The following WWOX variants were observed in gnomAD, a reference collection of about 807,000 sequenced individuals.
The protein encoded by WWOX is WW domain containing oxidoreductase.
WWOX carries 69 observed loss-of-function variants against 46.2 expected under a neutral mutation model. The ratio of observed to expected loss-of-function variants is 1.49; its 90% CI spans 1.23 to 1.82. The LOEUF (loss-of-function observed/expected upper bound fraction) is 1.82, where lower values mean the gene tolerates loss of function less well. Ranked by LOEUF, WWOX falls within the 40% of genes most tolerant of loss-of-function variation. The pLI is 0.00. For synonymous variants in WWOX, 359 were observed against 202.6 expected, an observed-to-expected ratio of 1.77 and a Z score of -6.56; for missense variants, 919 against 542.6, an observed-to-expected ratio of 1.69 and a Z score of -6.89.
chr16:79,083,322 C>G (rs1448130260), intron 8 of WWOX, among the ~76,000 whole-genome samples: 1 of 152,164 alleles, frequency 6.6e-6, no homozygotes. Context: ...CACCCTGACC[C>G]CTTCCTATGC....
intron 5 of WWOX, among the ~76,000 whole-genome samples, chr16:78,359,841 T>G (rs1157767994): frequency 1.3e-5 from 2 of 152,034 alleles, no homozygotes; most frequent in South Asian, 2.1e-4. Context: ...CTGGGAGAGG[T>G]GACTATGGAC....
chr16:78,470,180 C>G (rs903977002), intron 8 of WWOX, among the ~76,000 whole-genome samples: 2 of 152,160 alleles, frequency 1.3e-5, no homozygotes, highest in African/African-American at 2.4e-5. Flanking sequence ...CTGCTGTTGT[C>G]TGCACAAAGC....
At chr16:78,559,014 A>C (rs2044370061) in intron 8 of WWOX, among the ~76,000 whole-genome samples, 1 of 152,170 alleles carries the variant, frequency 6.6e-6, no homozygotes. Flanking sequence ...GCTCACAATC[A>C]TATCCACGGC....
intron 5 of WWOX, among the ~76,000 whole-genome samples, chr16:78,334,813 C>G (rs1440913985): frequency 2.2e-5 from 1 of 46,492 alleles, no homozygotes; most frequent in African/African-American, 8.8e-5. Flanking sequence ...CACACGCACA[C>G]ACACACACAC....
At chr16:78,160,868 G>C (rs1008941366) in intron 4 of WWOX, among the ~76,000 whole-genome samples, 2 of 152,092 alleles carry the variant, frequency 1.3e-5, no homozygotes, top group Non-Finnish European at 2.9e-5. Flanking sequence ...GTTACTAAGA[G>C]GGATATGTTA....
intron 8 of WWOX, among the ~76,000 whole-genome samples, chr16:78,946,276 C>T (rs2045946633): frequency 6.6e-6 from 1 of 152,086 alleles, no homozygotes; most frequent in Non-Finnish European, 1.5e-5. Context: ...CTGCAGCCTC[C>T]AACTCCCGGC....
intron 6 of WWOX, among the ~76,000 whole-genome samples, chr16:78,391,928 A>T (rs1441550058): frequency 1.3e-5 from 2 of 151,688 alleles, no homozygotes; most frequent in Non-Finnish European, 2.9e-5. Flanking sequence ...CCTCTTTCTC[A>T]TAGTTAATTT....
At chr16:78,798,343 C>T (rs1170570357) in intron 8 of WWOX, among the ~76,000 whole-genome samples, 1 of 152,116 alleles carries the variant, frequency 6.6e-6, no homozygotes, top group Admixed American at 6.5e-5. Context: ...TTGCCTTTCC[C>T]TAGCTAGAGG....
intron 8 of WWOX, among the ~76,000 whole-genome samples, chr16:78,584,601 A>G (rs1301934039): frequency 6.6e-6 from 1 of 152,202 alleles, no homozygotes; most frequent in Non-Finnish European, 1.5e-5. Flanking sequence ...CATGCTGTTG[A>G]GTGAAAGAAG....
chr16:78,613,047 C>T (rs2045937078), intron 8 of WWOX, among the ~76,000 whole-genome samples: 1 of 152,102 alleles, frequency 6.6e-6, no homozygotes, highest in East Asian at 1.9e-4. Flanking sequence ...AGAGGTGCCT[C>T]TTGAGAGTTT....
chr16:79,083,527 T>C (rs2048800062), intron 8 of WWOX, among the ~76,000 whole-genome samples: 1 of 152,228 alleles, frequency 6.6e-6, no homozygotes, highest in Admixed American at 6.5e-5. Context: ...AAACGTTTTC[T>C]TTCTCACAAA....
chr16:79,056,823 T>C (rs2048271434), intron 8 of WWOX, among the ~76,000 whole-genome samples: 4 of 152,194 alleles, frequency 2.6e-5, no homozygotes. Flanking sequence ...AAAGGACAAA[T>C]ATCTGCTTCT....
At chr16:78,769,061 G>A (rs956759939) in intron 8 of WWOX, among the ~76,000 whole-genome samples, 2 of 152,228 alleles carry the variant, frequency 1.3e-5, no homozygotes, top group Non-Finnish European at 2.9e-5. Flanking sequence ...TTGGGGTTGG[G>A]TAGGCGCAGG....
chr16:78,606,578 A>T (rs1447101130), intron 8 of WWOX, among the ~76,000 whole-genome samples: 1 of 152,130 alleles, frequency 6.6e-6, no homozygotes, highest in African/African-American at 2.4e-5. Flanking sequence ...AAAGACAAGA[A>T]ATATGCCACA....
intron 6 of WWOX, among the ~76,000 whole-genome samples, chr16:78,391,001 A>T (rs1487241453): frequency 6.6e-6 from 1 of 152,122 alleles, no homozygotes; most frequent in Non-Finnish European, 1.5e-5. Context: ...GCTCCATCTC[A>T]AGTGTTTCTC....
chr16:78,253,413 A>G (rs551008711), intron 5 of WWOX, among the ~76,000 whole-genome samples: 1 of 152,326 alleles, frequency 6.6e-6, no homozygotes, highest in South Asian at 2.1e-4. Context: ...GTGAATAGAC[A>G]TTATTATGAT....
intron 8 of WWOX, among the ~76,000 whole-genome samples, chr16:79,085,405 T>A (rs1400573051): frequency 1.3e-5 from 2 of 152,190 alleles, no homozygotes; most frequent in African/African-American, 2.4e-5. Flanking sequence ...CACTGGGTGG[T>A]CTGCTTTGCT....
intron 8 of WWOX, chr16:78,890,112 C>T (rs947841313): frequency 6.6e-6 from 1 of 152,122 alleles, no homozygotes; most frequent in Non-Finnish European, 1.5e-5. Flanking sequence ...TACACACATA[C>T]ACATACACAC....
chr16:78,138,093 T>C (rs977478881), intron 4 of WWOX, among the ~76,000 whole-genome samples: 1 of 150,572 alleles, frequency 6.6e-6, no homozygotes, highest in African/African-American at 2.5e-5. Context: ...TGGCCAACTG[T>C]CTAAATGGCT....
Sources: gnomAD v4.1 joint callset for allele counts (sites outside exome capture counted in the v4.1 genomes callset) on GRCh38, gnomAD v4.1.1 for gene constraint, MANE v1.5 for transcripts, NCBI Gene and HGNC (gene_info 2026-07-23, HGNC 2026-07-21) for gene names.